OSBPL7: variants seen among roughly 807,000 people sequenced by gnomAD.
The protein encoded by OSBPL7 is oxysterol-binding protein-related protein 7.
Under a neutral mutation model 115.8 loss-of-function variants are expected in OSBPL7, and 66 were observed. The observed-to-expected ratio is 0.57, with a 90% CI of 0.47 to 0.70. The LOEUF (loss-of-function observed/expected upper bound fraction) is 0.70, where lower values mean the gene tolerates loss of function less well. Among genes scored for constraint, OSBPL7 ranks in the 30% least tolerant of loss-of-function variants. OSBPL7 has a pLI of 0.00. For missense variants in OSBPL7, 902 were observed against 1,125.5 expected (o/e 0.80, Z 2.84); for synonymous variants, 441 against 439.2 (o/e 1.00, Z -0.05).
chr17:47,820,051 C>G lies in OSBPL7; in HGVS notation c.121G>C (p.Gly41Arg), dbSNP rs749844612. ...CTCTCAGGCATGACACCCTCTGTCC[C>G]CAGCCTGACCCGAGGCTCCTCCACC... ...EVVEEPRVRLGTEGVMPERQE... is the reference protein window; with the variant it reads ...EVVEEPRVRLRTEGVMPERQE... Residue 41 changes from glycine (G) to arginine (R), a missense_variant, in exon 3 of 23, where the codon GGG becomes CGG. Gly to Arg is a moderately radical substitution (Grantham distance 125). Coordinates refer to ENST00000007414, the MANE Select transcript of OSBPL7 (RefSeq NM_145798.3). The G allele has an allele frequency of 6.2e-7, 1 of 1,612,430 alleles. No homozygotes were observed. Among genetic ancestry groups the G allele is most frequent in the African/African-American group, 1.3e-5 (1 of 74,884 alleles).
Position 47,815,790 on chromosome 17 carries a change from G to A in OSBPL7, c.1119+317C>T, listed in dbSNP as rs530085475. On this transcript the variant is annotated intron_variant, in intron 12 of 22. Transcript: ENST00000007414. ...GCCCCAGCGTCTGTGCTCAGAGCCC[G>A]AGTCTCAGTTCAGCCCGTCTATAAT... 52 of 334,946 alleles carry A rather than the reference G, an allele frequency of 1.6e-4. No homozygotes were observed. The South Asian group carries it at 2.2e-3, about 14-fold the overall frequency. The allele number at this position is 334,946 out of a possible 1,614,324, so 20.7% of individuals were successfully genotyped here.
At position 47,814,586 on chromosome 17, in the gene OSBPL7, C is replaced by T. The variant is rs559059555; in HGVS notation, c.1286G>A (p.Ser429Asn). 1.6e-5 allele frequency: 25 copies of T among 1,601,136 alleles called. No individual in the cohort carries two copies. In the East Asian group the frequency reaches 3.4e-4, roughly 22 times the overall value. Reference protein sequence around the residue: ...EGSEEEESCTSEITTSLSEEM... With the variant: ...EGSEEEESCTNEITTSLSEEM... Reference sequence around the variant, plus strand: ...CTCAGACAGGCTGGTGGTGATTTCACTGGTACAGGACTCCTCCTCCTCTGA... The same window carrying T: ...CTCAGACAGGCTGGTGGTGATTTCATTGGTACAGGACTCCTCCTCCTCTGA... Residue 429 changes from serine to asparagine, a missense_variant, in exon 14 of 23, where the codon AGT (serine) becomes AAT (asparagine). Ser to Asn is a conservative substitution (Grantham distance 46). Transcript: ENST00000007414.
chr17:47,815,313 G>C lies in OSBPL7; in HGVS notation c.1159C>G (p.Gln387Glu). The change falls in exon 13 of 23, where the codon CAG (glutamine) becomes GAG (glutamate). Residue 387 changes from glutamine to glutamate, a missense_variant. Gln to Glu is a conservative substitution (Grantham distance 29). Around this residue, in one of 3 missense-constraint regions of OSBPL7, gnomAD observed 667 missense variants for 788.7 expected, o/e 0.85. Coordinates refer to ENST00000007414, the MANE Select transcript of OSBPL7 (RefSeq NM_145798.3). ...LYMKGRELTP[Q>E]LSQTSILSLA... is the part of the protein sequence containing the mutation. ...GACAGGATGCTGGTCTGCGATAGCT[G>C]GGGGGTGAGCTCGCGCCCCTTCATG... 6.2e-7 allele frequency: 1 copy of C among 1,613,566 alleles called. No homozygotes were observed. The highest frequency in any genetic ancestry group is 1.1e-5 in the South Asian group (1 of 91,028).
Position 47,816,012 on chromosome 17 carries a change from T to C in OSBPL7, c.1119+95A>G, listed in dbSNP as rs545011822. On this transcript the variant is annotated intron_variant, in intron 12 of 22. Coordinates refer to ENST00000007414, the MANE Select transcript of OSBPL7 (RefSeq NM_145798.3). This position sits in a 1 kb window ranked among gnomAD's most constrained non-coding sequence, Gnocchi z 5.8. ...AGGATTTTTGGGCTGTCTTTGGGAC[T>C]AAAAACCAACTTTGCCCACTGCCCT... is the stretch of plus-strand genomic sequence containing the variant. The C allele has an allele frequency of 4.3e-4, 515 of 1,205,506 alleles. 4 individuals are homozygous for C. In the South Asian group the frequency reaches 7.6e-3, roughly 18 times the overall value. The allele number at this position is 1,205,506 out of a possible 1,614,324, so 74.7% of individuals were successfully genotyped here.
intron 13 of OSBPL7, 42 bp downstream of exon 13, chr17:47,815,173 C>T (rs2033172190): frequency 1.3e-6 from 2 of 1,581,944 alleles, no homozygotes; most frequent in Non-Finnish European, 8.6e-7. Flanking sequence ...TTCCCAAGGT[C>T]CCCCCTACCC....
intron 16 of OSBPL7, 74 bp downstream of exon 16, chr17:47,813,192 A>C: frequency 1.3e-6 from 2 of 1,582,662 alleles, no homozygotes; most frequent in Non-Finnish European, 1.7e-6. Context: ...CCTCTGCCCC[A>C]GTTCTGGTCC....
Position 47,809,416 on chromosome 17 carries a change from T to A in OSBPL7, c.1943A>T (p.Gln648Leu). 6.2e-7 allele frequency: 1 copy of A among 1,614,110 alleles called. No individual in the cohort carries two copies. Among genetic ancestry groups the A allele is most frequent in the Non-Finnish European group, 8.5e-7 (1 of 1,179,940 alleles). ...CTCCCCATAGTGCTCGATCCAGCGCTGACCACTCAGGACATTGTGAATGCA... is the reference window on the plus strand; with the variant it reads ...CTCCCCATAGTGCTCGATCCAGCGCAGACCACTCAGGACATTGTGAATGCA... The part of the protein sequence containing the change: ...TSCIHNVLSG[Q>L]RWIEHYGEVL... The change falls in exon 19 of 23, where the codon CAG (glutamine) becomes CTG (leucine). Residue 648 changes from glutamine to leucine, a missense_variant. This residue lies in a region of OSBPL7 where 230 missense variants were observed against 312.7 expected (regional missense o/e 0.74). Transcript: ENST00000007414.
At position 47,819,620 on chromosome 17, in the gene OSBPL7, G is replaced by A. The variant is rs2033334125; in HGVS notation, c.255+109C>T. The A allele has an allele frequency of 6.1e-6, 8 of 1,305,972 alleles. No homozygotes were observed. In the Admixed American group the frequency reaches 1.4e-4, roughly 23 times the overall value. The allele number at this position is 1,305,972 out of a possible 1,614,324, so 80.9% of individuals were successfully genotyped here. ...CGAGATCACACATTCAGCAAGTGGT[G>A]GACCTGGGATTCAGACCCTGCTCTG... On this transcript the variant is annotated intron_variant, in intron 4 of 22. Coordinates refer to ENST00000007414, the MANE Select transcript of OSBPL7 (RefSeq NM_145798.3).
chr17:47,809,045 T>C, intron 20 of OSBPL7, 31 bp downstream of exon 20: 1 of 1,613,736 alleles, frequency 6.2e-7, no homozygotes, highest in Admixed American at 1.7e-5. Flanking sequence ...TGCTCCAGCC[T>C]CACCCAGCCC....
chr17:47,820,167 G>T (rs1289045907), intron 2 of OSBPL7, 37 bp downstream of exon 2: 1 of 1,613,572 alleles, frequency 6.2e-7, no homozygotes, highest in East Asian at 2.2e-5. Flanking sequence ...TCTGGTTCCA[G>T]CTTGGCCCAC....
chr17:47,821,287 A>T (rs1026070374), intron 1 of OSBPL7, among the ~76,000 whole-genome samples: 4 of 152,134 alleles, frequency 2.6e-5, no homozygotes, highest in Non-Finnish European at 5.9e-5. Flanking sequence ...CAGATCTTCT[A>T]ATGGAGCTAG....
At chr17:47,815,423 C>T (rs2033183689) in intron 12 of OSBPL7, 71 bp from the exon 13 acceptor site, 1 of 1,582,904 alleles carries the variant, frequency 6.3e-7, no homozygotes, top group East Asian at 2.3e-5. Context: ...CACCCGCTTG[C>T]CTGACAGTTC....
At position 47,816,399 on chromosome 17, in the gene OSBPL7, A is replaced by G; in HGVS notation, c.1012T>C (p.Ser338Pro). 1 of 1,519,768 alleles carries G rather than the reference A, an allele frequency of 6.6e-7. No homozygotes were observed. Among genetic ancestry groups the G allele is most frequent in the Non-Finnish European group, 8.8e-7 (1 of 1,131,520 alleles). The allele number at this position is 1,519,768 out of a possible 1,614,324, so 94.1% of individuals were successfully genotyped here. A position where few individuals can be genotyped will look rare whatever the true frequency, so the allele number is the denominator to read the frequency against. ...LRDMHQGSEL[S>P]RMGVSEASTG... The stretch of plus-strand genomic sequence containing the variant: ...CCCCCAGGCCTCACCCCCATTCTTG[A>G]CAACTCTGAGCCCTGGTGCATGTCC... The change falls in exon 11 of 23, where the codon TCA (serine) becomes CCA (proline). Residue 338 changes from serine (S) to proline (P), a missense_variant. Coordinates refer to ENST00000007414, the MANE Select transcript of OSBPL7 (RefSeq NM_145798.3). The surrounding 1 kb of genome is among the most constrained non-coding windows in gnomAD (Gnocchi z 5.8).
Position 47,808,275 on chromosome 17 carries a change from GC to G in OSBPL7, c.*15del. ...GAGGAGTGAGGAACCAGAGCCTCCT[GC>G]CCCCGGGGCCAGGGCTACCAGAGCA... is the stretch of plus-strand genomic sequence containing the variant. On this transcript the variant is annotated 3_prime_UTR_variant, in exon 23 of 23. Coordinates refer to ENST00000007414, the MANE Select transcript of OSBPL7 (RefSeq NM_145798.3). This position sits in a 1 kb window ranked among gnomAD's most constrained non-coding sequence, Gnocchi z 6.1. 3 of 1,587,494 alleles carry G rather than the reference GC, an allele frequency of 1.9e-6. No individual in the cohort carries two copies.
rs766527247 is a variant in OSBPL7 at position 47,813,711 on chromosome 17, G to T, written c.1475C>A (p.Ser492Tyr). Residue 492 changes from serine to tyrosine, a missense_variant, in exon 15 of 23, where the codon TCC becomes TAC. By Grantham distance (144) the Ser-to-Tyr change is moderately radical (BLOSUM62 -2). Around this residue, in one of 3 missense-constraint regions of OSBPL7, gnomAD observed 667 missense variants for 788.7 expected, o/e 0.85. Coordinates refer to ENST00000007414, the MANE Select transcript of OSBPL7 (RefSeq NM_145798.3). The part of the protein sequence containing the change: ...ILRNNIGKDL[S>Y]KVSMPVQLNE... ...GAGCTGCACAGGCATTGACACCTTG[G>T]ACAGGTCTTTGCCGATGTTGTTGCG... is the stretch of plus-strand genomic sequence containing the variant. The T allele has an allele frequency of 6.2e-7, 1 of 1,613,492 alleles. No homozygotes were observed. Among genetic ancestry groups the T allele is most frequent in the Non-Finnish European group, 8.5e-7 (1 of 1,180,014 alleles).
intron 16 of OSBPL7, among the ~76,000 whole-genome samples, chr17:47,813,001 T>C (rs566692104): frequency 6.6e-6 from 1 of 152,148 alleles, no homozygotes; most frequent in Non-Finnish European, 1.5e-5. Flanking sequence ...CCCCAGCCCC[T>C]GTACTCCCAG....
At chr17:47,815,480 T>C in intron 12 of OSBPL7, 128 bp from the exon 13 acceptor site, 3 of 1,234,252 alleles carry the variant, frequency 2.4e-6, no homozygotes, top group Non-Finnish European at 3.4e-6. Flanking sequence ...GTCAGACACC[T>C]TCTGAGCAGA....
At position 47,818,752 on chromosome 17, in the gene OSBPL7, G is replaced by A. The variant is rs190747272; in HGVS notation, c.370-136C>T. The A allele has an allele frequency of 7.0e-4, 600 of 860,724 alleles. 4 individuals carry two copies. The African/African-American group carries it at 8.2e-3, about 12-fold the overall frequency. The allele number at this position is 860,724 out of a possible 1,614,324, so 53.3% of individuals were successfully genotyped here. A position where few individuals can be genotyped will look rare whatever the true frequency, so the allele number is the denominator to read the frequency against. ...CTGGTTTGTGCAAGGCTCACTTGCA[G>A]GGAGACAGAGCGCAAGGCGCCCAGG... On this transcript the variant is annotated intron_variant, in intron 5 of 22. Transcript: ENST00000007414.
In OSBPL7 at chr17:47,808,337, C is replaced by T; in HGVS notation, c.2483G>A (p.Arg828Gln). The change falls in exon 23 of 23, where the codon CGG becomes CAG. Residue 828 changes from arginine to glutamine, a missense_variant. Around this residue, in one of 3 missense-constraint regions of OSBPL7, gnomAD observed 230 missense variants for 312.7 expected, o/e 0.74. Transcript: ENST00000007414. The surrounding 1 kb of genome is among the most constrained non-coding windows in gnomAD (Gnocchi z 6.1). ...CATGTTCCCATAGCCTGGCTCGGCCCGCAGCCTCCAGTAGGTATTGTTGGT... is the reference window on the plus strand; with the variant it reads ...CATGTTCCCATAGCCTGGCTCGGCCTGCAGCCTCCAGTAGGTATTGTTGGT... Reference protein sequence around the residue: ...WVTNNTYWRLRAEPGYGNMDG... With the variant: ...WVTNNTYWRLQAEPGYGNMDG... The T allele has an allele frequency of 2.5e-6, 4 of 1,614,066 alleles. No individual in the cohort carries two copies. Among genetic ancestry groups the T allele is most frequent in the Non-Finnish European group, 3.4e-6 (4 of 1,179,996 alleles).
Sources: allele counts gnomAD v4.1 joint callset (sites outside exome capture counted in the v4.1 genomes callset), GRCh38; gene constraint gnomAD v4.1.1; regional missense constraint gnomAD v4.1.1; non-coding constraint Gnocchi (gnomAD v3.1); transcripts MANE v1.5; gene names NCBI Gene and HGNC (gene_info 2026-07-23, HGNC 2026-07-21).